The following MAML3 variants were observed in gnomAD, a reference collection of about 807,000 sequenced individuals.
MAML3 encodes the protein mastermind like transcriptional coactivator 3.
Under a neutral mutation model 101.9 loss-of-function variants are expected in MAML3, and 27 were observed. That is an observed-to-expected ratio of 0.27 (90% CI 0.20 to 0.37). MAML3 has a LOEUF of 0.37. MAML3 is among the 10% of genes least tolerant of loss of function. The pLI is 1.00. For missense variants in MAML3, 1,316 were observed against 1,444.9 expected (o/e 0.91, Z 1.45); for synonymous variants, 501 against 555.9 (o/e 0.90, Z 1.39).
intron 2 of MAML3, among the ~76,000 whole-genome samples, chr4:139,753,338 T>A (rs1301251590): frequency 8.0e-6 from 1 of 124,674 alleles, no homozygotes; most frequent in Non-Finnish European, 1.7e-5. Flanking sequence ...TTCTTTTCTT[T>A]TTAATCTATC....
intron 1 of MAML3, among the ~76,000 whole-genome samples, chr4:140,138,475 C>T (rs997719602): frequency 6.6e-6 from 1 of 152,204 alleles, no homozygotes; most frequent in Non-Finnish European, 1.5e-5. Flanking sequence ...ATATAAACCA[C>T]CTCTGTTTAC....
chr4:139,806,319 T>C (rs72730238), intron 2 of MAML3, among the ~76,000 whole-genome samples: 9,056 of 152,142 alleles, frequency 0.06, 412 homozygotes, highest in Non-Finnish European at 0.083. Flanking sequence ...CAGACATGAA[T>C]AGAGACAGTT....
chr4:139,998,346 T>A (rs1254518953), intron 1 of MAML3, among the ~76,000 whole-genome samples: 40 of 120,104 alleles, frequency 3.3e-4, no homozygotes, highest in Non-Finnish European at 1.7e-5. Context: ...CCTTTTTAAT[T>A]TTTTAAAAAT....
At chr4:139,991,206 A>G (rs1307010022) in intron 1 of MAML3, among the ~76,000 whole-genome samples, 4 of 152,222 alleles carry the variant, frequency 2.6e-5, no homozygotes, top group Non-Finnish European at 5.9e-5. Flanking sequence ...AAACAGAGAT[A>G]TAGATCAGTG....
intron 1 of MAML3, among the ~76,000 whole-genome samples, chr4:140,106,431 C>A (rs1393510397): frequency 6.6e-6 from 1 of 152,200 alleles, no homozygotes; most frequent in Non-Finnish European, 1.5e-5. Context: ...GTCTTAGAAG[C>A]ACCAATCCAA....
At chr4:140,105,906 C>G (rs372709799) in intron 1 of MAML3, among the ~76,000 whole-genome samples, 76 of 152,040 alleles carry the variant, frequency 5.0e-4, no homozygotes, top group Non-Finnish European at 1.0e-3. Context: ...TAGCTGAATG[C>G]GAGGTGGCTA....
intron 1 of MAML3, among the ~76,000 whole-genome samples, chr4:139,928,073 G>A (rs753172096): frequency 2.0e-4 from 31 of 152,204 alleles, no homozygotes; most frequent in African/African-American, 3.1e-4. Context: ...CTGTGTGTCT[G>A]TGTGTGTGTA....
intron 2 of MAML3, among the ~76,000 whole-genome samples, chr4:139,873,815 G>C (rs1394937032): frequency 6.6e-6 from 1 of 152,206 alleles, no homozygotes; most frequent in Non-Finnish European, 1.5e-5. Flanking sequence ...CCTTATGGAA[G>C]AGCCTGAGCC....
intron 1 of MAML3, among the ~76,000 whole-genome samples, chr4:140,077,356 T>C (rs1163644805): frequency 6.6e-6 from 1 of 152,058 alleles, no homozygotes; most frequent in East Asian, 1.9e-4. Context: ...AAGCAGAGGG[T>C]TGTTCCCTCC....
chr4:140,047,203 T>G (rs529474018), intron 1 of MAML3, among the ~76,000 whole-genome samples: 13 of 151,990 alleles, frequency 8.6e-5, no homozygotes, highest in Non-Finnish European at 1.9e-4. Flanking sequence ...AGAGGACTGA[T>G]CAGGTATCCA....
intron 1 of MAML3, among the ~76,000 whole-genome samples, chr4:139,960,294 C>A (rs541167790): frequency 6.6e-6 from 1 of 152,324 alleles, no homozygotes; most frequent in Non-Finnish European, 1.5e-5. Flanking sequence ...CTGTCCTGTG[C>A]ACTCTGCTGA....
intron 1 of MAML3, chr4:140,133,177 AAG>A (rs1338778165): frequency 2.5e-6 from 1 of 396,006 alleles, no homozygotes; most frequent in Middle Eastern, 6.4e-4. Context: ...AAAGAAAAAA[AAG>A]AGAGTTTACT....
chr4:139,881,861 C>T (rs1040579787), intron 2 of MAML3, among the ~76,000 whole-genome samples: 1 of 152,112 alleles, frequency 6.6e-6, no homozygotes, highest in Non-Finnish European at 1.5e-5. Context: ...TCACCACGCT[C>T]GGCTAAGTTT....
intron 4 of MAML3, 88 bp from the exon 5 acceptor site, chr4:139,720,411 C>G: frequency 8.1e-7 from 1 of 1,230,632 alleles, no homozygotes. Context: ...TTGGGAATGA[C>G]AAAATTCCTT....
chr4:139,956,450 T>C (rs1466166942), intron 1 of MAML3, among the ~76,000 whole-genome samples: 1 of 152,212 alleles, frequency 6.6e-6, no homozygotes, highest in Non-Finnish European at 1.5e-5. Flanking sequence ...GAATAATTTG[T>C]AATCTTTAAA....
chr4:140,138,750 C>G (rs1728937089), intron 1 of MAML3, among the ~76,000 whole-genome samples: 1 of 152,114 alleles, frequency 6.6e-6, no homozygotes, highest in African/African-American at 2.4e-5. Context: ...AAGATGGCAG[C>G]ATAGGAAGGG....
In MAML3 at chr4:139,783,780, T is replaced by G. The variant is rs114052377; in HGVS notation, c.2080-53113A>C. Among the ~76,000 whole-genome samples, 1,320 of 152,308 alleles carry G rather than the reference T, an allele frequency of 8.7e-3. 11 individuals are homozygous for G. The highest frequency in any genetic ancestry group is 0.041 in the Middle Eastern group (12 of 294). On this transcript the variant is annotated intron_variant, in intron 2 of 4. Transcript: ENST00000509479. The stretch of plus-strand genomic sequence containing the variant: ...ACCCCACTGCCACCGAGCAGTCAGG[T>G]AATCCTAATAGCCAGGACCCTCCCA...
At chr4:140,088,795 T>G (rs2110978488) in intron 1 of MAML3, among the ~76,000 whole-genome samples, 1 of 152,340 alleles carries the variant, frequency 6.6e-6, no homozygotes, top group Admixed American at 6.5e-5. Flanking sequence ...TCAAAAGAAC[T>G]AATTTAGAGT....
At chr4:139,900,039 G>T (rs1490182529) in intron 1 of MAML3, among the ~76,000 whole-genome samples, 1 of 145,798 alleles carries the variant, frequency 6.9e-6, no homozygotes, top group East Asian at 2.0e-4. Context: ...AGTCCCAAGG[G>T]ACTACGGGGG....
Sources: allele counts gnomAD v4.1 joint callset (sites outside exome capture counted in the v4.1 genomes callset), GRCh38; gene constraint gnomAD v4.1.1; transcripts MANE v1.5; gene names NCBI Gene and HGNC (gene_info 2026-07-23, HGNC 2026-07-21).